NRXN3: variants seen among roughly 807,000 people sequenced by gnomAD.
The protein encoded by NRXN3 is neurexin 3.
Under a neutral mutation model 137.6 loss-of-function variants are expected in NRXN3, and 32 were observed. That is an observed-to-expected ratio of 0.23 (90% confidence interval 0.18 to 0.31). NRXN3 has a LOEUF of 0.31. Among genes scored for constraint, NRXN3 ranks in the 10% least tolerant of loss-of-function variants. The probability of loss-of-function intolerance (pLI) is 1.00; values close to 1 mark genes in which losing one functional copy is unlikely to be tolerated. For missense variants in NRXN3, 1,574 were observed against 2,062.5 expected (o/e 0.76, Z 4.59); for synonymous variants, 798 against 784.5 (o/e 1.02, Z -0.29).
intron 15 of NRXN3, among the ~76,000 whole-genome samples, chr14:79,060,168 G>A (rs1595497458): frequency 6.6e-6 from 1 of 152,196 alleles, no homozygotes. Flanking sequence ...CTGAGGTAGG[G>A]CAAAGTCCCA....
chr14:79,216,963 T>C (rs1270329533), intron 15 of NRXN3, among the ~76,000 whole-genome samples: 1 of 151,930 alleles, frequency 6.6e-6, no homozygotes, highest in East Asian at 1.9e-4. Flanking sequence ...GGTGAAACCC[T>C]GTCTCTACTA....
In NRXN3 at chr14:79,588,515, A is replaced by T. The variant is rs140873236; in HGVS notation, c.3445-75263A>T. On this transcript the variant is annotated intron_variant, in intron 16 of 20. Transcript: ENST00000335750. Reference sequence around the variant, plus strand: ...TGAACTAAACTGACAGCTTTTGTTGATGAGCTGTTAGGCAGATTAAATTCT... The same window carrying T: ...TGAACTAAACTGACAGCTTTTGTTGTTGAGCTGTTAGGCAGATTAAATTCT... Among the ~76,000 whole-genome samples the T allele has an allele frequency of 3.8e-3, 577 of 152,334 alleles. 2 individuals carry two copies. Among genetic ancestry groups the T allele is most frequent in the Middle Eastern group, 6.8e-3 (2 of 294 alleles).
At chr14:79,518,371 TG>T (rs2097019776) in intron 16 of NRXN3, among the ~76,000 whole-genome samples, 1 of 152,168 alleles carries the variant, frequency 6.6e-6, no homozygotes, top group African/African-American at 2.4e-5. Flanking sequence ...TTTAGTGACA[TG>T]ATCTGTCTCT....
intron 4 of NRXN3, among the ~76,000 whole-genome samples, chr14:78,465,061 C>A (rs543275959): frequency 6.6e-6 from 1 of 152,136 alleles, no homozygotes; most frequent in Non-Finnish European, 1.5e-5. Flanking sequence ...CACTGAGAGA[C>A]TATTTTGTGC....
chr14:78,440,454 A>G (rs551279368), intron 4 of NRXN3, among the ~76,000 whole-genome samples: 1 of 152,276 alleles, frequency 6.6e-6, no homozygotes, highest in Admixed American at 6.5e-5. Context: ...GCAAAAAAAA[A>G]AAAATGTAAT....
chr14:79,544,219 C>G (rs2097299079), intron 16 of NRXN3, among the ~76,000 whole-genome samples: 1 of 152,232 alleles, frequency 6.6e-6, no homozygotes, highest in Non-Finnish European at 1.5e-5. Context: ...CTCAGGGGGT[C>G]TGAGTCATTG....
intron 19 of NRXN3, among the ~76,000 whole-genome samples, chr14:79,756,420 T>C (rs530945158): frequency 6.6e-6 from 1 of 152,298 alleles, no homozygotes; most frequent in Admixed American, 6.5e-5. Flanking sequence ...GATCTTTCTT[T>C]CTGGGGCCAG....
At chr14:79,663,418 G>A (rs1252229813) in intron 16 of NRXN3, among the ~76,000 whole-genome samples, 1 of 151,914 alleles carries the variant, frequency 6.6e-6, no homozygotes, top group African/African-American at 2.4e-5. Flanking sequence ...ATGATTTAAG[G>A]TCCAGTGTCT....
intron 16 of NRXN3, among the ~76,000 whole-genome samples, chr14:79,533,612 A>C (rs72690769): frequency 0.016 from 2,485 of 152,280 alleles, 41 homozygotes; most frequent in Non-Finnish European, 0.028. Flanking sequence ...TTGGTGTCTG[A>C]AAAACAATAA....
chr14:79,035,528 G>T (rs557224374), intron 15 of NRXN3, among the ~76,000 whole-genome samples: 1 of 152,052 alleles, frequency 6.6e-6, no homozygotes, highest in African/African-American at 2.4e-5. Context: ...GGTAAAATAT[G>T]CTATATACTT....
intron 16 of NRXN3, among the ~76,000 whole-genome samples, chr14:79,549,614 G>C (rs2097354245): frequency 6.6e-6 from 1 of 152,080 alleles, no homozygotes; most frequent in African/African-American, 2.4e-5. Context: ...ATCAAAAAGT[G>C]TGAGCAGGGG....
At chr14:78,936,279 A>G (rs1057038153) in intron 10 of NRXN3, among the ~76,000 whole-genome samples, 1 of 152,328 alleles carries the variant, frequency 6.6e-6, no homozygotes, top group Non-Finnish European at 1.5e-5. Context: ...AGTTATGCAC[A>G]TGGGCCCTAG....
At chr14:79,096,099 T>A (rs190191344) in intron 15 of NRXN3, among the ~76,000 whole-genome samples, 1 of 151,850 alleles carries the variant, frequency 6.6e-6, no homozygotes, top group South Asian at 2.1e-4. Flanking sequence ...ATTTTTTAAT[T>A]TTATTCTATT....
intron 1 of NRXN3, among the ~76,000 whole-genome samples, chr14:78,236,096 A>G (rs1385215819): frequency 2.0e-5 from 3 of 152,242 alleles, no homozygotes; most frequent in Admixed American, 1.3e-4. Context: ...ATATATATGT[A>G]TCAGGAAGTG....
At chr14:79,570,796 C>T (rs2097592883) in intron 16 of NRXN3, among the ~76,000 whole-genome samples, 1 of 152,160 alleles carries the variant, frequency 6.6e-6, no homozygotes, top group Non-Finnish European at 1.5e-5. Context: ...AGCCAATTGG[C>T]TTTCTGTGAG....
At chr14:78,738,340 C>G (rs759601482) in intron 8 of NRXN3, among the ~76,000 whole-genome samples, 12 of 152,280 alleles carry the variant, frequency 7.9e-5, no homozygotes, top group Non-Finnish European at 1.5e-4. Flanking sequence ...CAAACCTGGT[C>G]CCCAAAGATG....
intron 8 of NRXN3, among the ~76,000 whole-genome samples, chr14:78,786,682 A>G (rs2098790224): frequency 6.6e-6 from 1 of 152,190 alleles, no homozygotes; most frequent in Admixed American, 6.5e-5. Context: ...TTCACAAAAA[A>G]ACACAAAAGC....
chr14:79,380,172 G>T (rs1466644048), intron 15 of NRXN3, among the ~76,000 whole-genome samples: 2 of 135,768 alleles, frequency 1.5e-5, no homozygotes, highest in African/African-American at 5.4e-5. Context: ...TTTTTTGGTA[G>T]ATATATTTAT....
At chr14:78,441,773 C>T (rs111557321) in intron 4 of NRXN3, among the ~76,000 whole-genome samples, 7 of 152,200 alleles carry the variant, frequency 4.6e-5, no homozygotes, top group East Asian at 3.9e-4. Context: ...ATTAGCCAGA[C>T]GGCCCTACAT....
Sources: gnomAD v4.1 joint callset for allele counts (sites outside exome capture counted in the v4.1 genomes callset) on GRCh38, gnomAD v4.1.1 for gene constraint, MANE v1.5 for transcripts, NCBI Gene and HGNC (gene_info 2026-07-23, HGNC 2026-07-21) for gene names.